KIAA1217: variants seen among roughly 807,000 people sequenced by gnomAD.
The protein encoded by KIAA1217 is sickle tail protein homolog.
Under a neutral mutation model 163.9 loss-of-function variants are expected in KIAA1217, and 88 were observed. The observed-to-expected ratio is 0.54, with a 90% CI of 0.45 to 0.64. The LOEUF (loss-of-function observed/expected upper bound fraction) is 0.64, where lower values mean the gene tolerates loss of function less well. Ranked by LOEUF, KIAA1217 falls within the 30% of genes least tolerant of loss-of-function variation. KIAA1217 has a pLI of 0.00. For synonymous variants in KIAA1217, 903 were observed against 923.1 expected (o/e 0.98, Z 0.39); for missense variants, 2,372 against 2,475.0 (o/e 0.96, Z 0.88).
chr10:24,009,320 A>G (rs1237924505), intron 2 of KIAA1217, among the ~76,000 whole-genome samples: 1 of 152,092 alleles, frequency 6.6e-6, no homozygotes, highest in Non-Finnish European at 1.5e-5. Context: ...TGTGTAATTT[A>G]CTTACCCTTG....
intron 2 of KIAA1217, among the ~76,000 whole-genome samples, chr10:24,301,343 C>G (rs1387439090): frequency 6.6e-6 from 1 of 152,184 alleles, no homozygotes; most frequent in Non-Finnish European, 1.5e-5. Flanking sequence ...TTATCCGAAG[C>G]ATTTACTATT....
chr10:24,094,579 T>C (rs942146665), intron 2 of KIAA1217, among the ~76,000 whole-genome samples: 1 of 152,144 alleles, frequency 6.6e-6, no homozygotes, highest in Non-Finnish European at 1.5e-5. Flanking sequence ...GCTGTCTGAT[T>C]GTTCCTCTGG....
intron 6 of KIAA1217, among the ~76,000 whole-genome samples, chr10:24,478,386 A>G (rs1182902446): frequency 6.6e-6 from 1 of 152,234 alleles, no homozygotes; most frequent in African/African-American, 2.4e-5. Context: ...CTTTCTAAAG[A>G]TGCTTCAATG....
intron 1 of KIAA1217, among the ~76,000 whole-genome samples, chr10:23,750,151 T>C (rs997270168): frequency 6.6e-6 from 1 of 152,216 alleles, no homozygotes. Flanking sequence ...CAGATATCTA[T>C]TCTTAATTCC....
At chr10:23,769,767 T>G (rs944461635) in intron 1 of KIAA1217, among the ~76,000 whole-genome samples, 1 of 152,214 alleles carries the variant, frequency 6.6e-6, no homozygotes, top group African/African-American at 2.4e-5. Context: ...CTTAGGGTAA[T>G]GGAGACCAAA....
intron 13 of KIAA1217, among the ~76,000 whole-genome samples, chr10:24,526,712 G>T (rs1204370883): frequency 2.6e-5 from 4 of 152,140 alleles, no homozygotes; most frequent in African/African-American, 7.2e-5. Flanking sequence ...TATGTACCAG[G>T]CCCTCGTAGG....
At chr10:24,276,690 A>G (rs1397464536) in intron 2 of KIAA1217, among the ~76,000 whole-genome samples, 1 of 150,938 alleles carries the variant, frequency 6.6e-6, no homozygotes, top group Admixed American at 6.6e-5. Context: ...GCTCACAGCA[A>G]CCTCTGTCTC....
intron 2 of KIAA1217, among the ~76,000 whole-genome samples, chr10:24,228,278 A>C (rs922779794): frequency 2.6e-5 from 4 of 152,100 alleles, no homozygotes; most frequent in Middle Eastern, 3.4e-3. Flanking sequence ...ACAACAACAA[A>C]AAATCAAATA....
chr10:24,323,455 G>A (rs1369530395), intron 2 of KIAA1217, among the ~76,000 whole-genome samples: 1 of 152,184 alleles, frequency 6.6e-6, no homozygotes, highest in Non-Finnish European at 1.5e-5. Context: ...CCCTGAAAGG[G>A]ATCCATTCTC....
intron 1 of KIAA1217, among the ~76,000 whole-genome samples, chr10:23,937,449 G>T (rs1843579443): frequency 2.6e-5 from 4 of 152,090 alleles, no homozygotes; most frequent in African/African-American, 9.7e-5. Context: ...TCTTTTACTT[G>T]TCTTCCTTCC....
chr10:24,287,030 G>C lies in KIAA1217; in HGVS notation c.354+67121G>C, dbSNP rs369737024. ...ATCTTGCCTTTACCTCTCAGAAGCTGTTCTCACTTGTTTTTTGTTTTGTTT... is the reference window on the plus strand; with the variant it reads ...ATCTTGCCTTTACCTCTCAGAAGCTCTTCTCACTTGTTTTTTGTTTTGTTT... On this transcript the variant is annotated intron_variant, in intron 2 of 20. Transcript: ENST00000376454. Among the ~76,000 whole-genome samples the C allele has an allele frequency of 1.2e-4, 19 of 152,164 alleles. 1 individual carries two copies. Among genetic ancestry groups the C allele is most frequent in the Admixed American group, 9.8e-4 (15 of 15,260 alleles).
intron 5 of KIAA1217, among the ~76,000 whole-genome samples, chr10:24,442,655 T>A (rs977632338): frequency 2.0e-5 from 3 of 152,150 alleles, no homozygotes; most frequent in African/African-American, 7.2e-5. Context: ...TGTGTGTGTA[T>A]GTGTGTGCAC....
At chr10:24,509,973 G>A (rs1219770485) in intron 9 of KIAA1217, among the ~76,000 whole-genome samples, 1 of 152,100 alleles carries the variant, frequency 6.6e-6, no homozygotes, top group South Asian at 2.1e-4. Flanking sequence ...TGTCTCAGGG[G>A]TGGCAGAAGA....
chr10:24,214,172 A>G (rs1042469219), intron 1 of KIAA1217, among the ~76,000 whole-genome samples: 1 of 151,930 alleles, frequency 6.6e-6, no homozygotes, highest in Non-Finnish European at 1.5e-5. Context: ...ACAAACAAAG[A>G]AAAAAAACAA....
rs759697504 is a variant in KIAA1217, at chr10:24,543,296, G to A, written c.4026G>A (p.Thr1342=). The A allele has an allele frequency of 9.9e-6, 16 of 1,613,940 alleles. No individual in the cohort carries two copies. Among genetic ancestry groups the A allele is most frequent in the South Asian group, 8.8e-5 (8 of 91,056 alleles). Residue 1342 remains threonine (T), a synonymous_variant, in exon 19 of 21, where the codon ACG becomes ACA. Coordinates refer to ENST00000376454, the MANE Select transcript of KIAA1217 (RefSeq NM_019590.5). ...AAACAGAAGATCAAGAGGTTATCAC[G>A]ACAGATTTTGGCCAAGTTGTTCTAA... is the stretch of plus-strand genomic sequence containing the variant. ...DFKTEDQEVI[T]TDFGQVVLRP... is the part of the protein sequence containing the mutation.
At position 24,464,904 on chromosome 10, in the gene KIAA1217, T is replaced by C. The variant is rs553121567; in HGVS notation, c.847-8324T>C. On this transcript the variant is annotated intron_variant, in intron 5 of 20. Coordinates refer to ENST00000376454, the MANE Select transcript of KIAA1217 (RefSeq NM_019590.5). ...ACAGCCTGGCCCCAGACCCTTCACA[T>C]ACAGTCACTGGGACAAGCAACCCTG... Among the ~76,000 whole-genome samples, 17 of 152,186 alleles carry C rather than the reference T, an allele frequency of 1.1e-4. 1 individual carries two copies. The highest frequency in any genetic ancestry group is 1.1e-3 in the Admixed American group (17 of 15,280).
chr10:23,754,758 C>G (rs1490292983), intron 1 of KIAA1217, among the ~76,000 whole-genome samples: 2 of 152,116 alleles, frequency 1.3e-5, no homozygotes, highest in Non-Finnish European at 1.5e-5. Flanking sequence ...TGCTCCTTTT[C>G]TGCCCTACAC....
At chr10:24,272,013 C>T (rs2076817271) in intron 2 of KIAA1217, among the ~76,000 whole-genome samples, 1 of 152,062 alleles carries the variant, frequency 6.6e-6, no homozygotes, top group Non-Finnish European at 1.5e-5. Context: ...CCATGGGATG[C>T]TCGTGAGAGT....
intron 1 of KIAA1217, among the ~76,000 whole-genome samples, chr10:23,856,420 TA>T (rs1241386656): frequency 6.6e-6 from 1 of 152,204 alleles, no homozygotes. Context: ...AGTCTGCCCC[TA>T]CTGGAGGGTG....
Sources: gnomAD v4.1 joint callset for allele counts (sites outside exome capture counted in the v4.1 genomes callset) on GRCh38, gnomAD v4.1.1 for gene constraint, MANE v1.5 for transcripts, NCBI Gene and HGNC (gene_info 2026-07-23, HGNC 2026-07-21) for gene names.